The following CDKAL1 variants were observed in gnomAD, a reference collection of about 807,000 sequenced individuals.
The protein encoded by CDKAL1 is CDKAL1 threonylcarbamoyladenosine tRNA methylthiotransferase, also known as threonylcarbamoyladenosine tRNA methylthiotransferase.
In CDKAL1, 32 loss-of-function variants were observed where a neutral mutation model predicts 68.2. That is an observed-to-expected ratio of 0.47 (90% CI 0.35 to 0.63). The LOEUF is 0.63. Ranked by LOEUF, CDKAL1 falls within the 30% of genes least tolerant of loss-of-function variation. The probability of loss-of-function intolerance (pLI) is 0.00; values close to 1 mark genes in which losing one functional copy is unlikely to be tolerated. For missense variants in CDKAL1, 606 were observed against 696.7 expected (o/e 0.87, Z 1.47); for synonymous variants, 234 against 244.3 (o/e 0.96, Z 0.39).
chr6:20,571,430 G>C (rs1764697380), intron 4 of CDKAL1, among the ~76,000 whole-genome samples: 1 of 151,964 alleles, frequency 6.6e-6, no homozygotes, highest in South Asian at 2.1e-4. Flanking sequence ...CTGCTGACCT[G>C]TCCTTCTCCC....
chr6:21,047,752 C>T (rs1770323663), intron 11 of CDKAL1, among the ~76,000 whole-genome samples: 1 of 151,972 alleles, frequency 6.6e-6, no homozygotes, highest in Non-Finnish European at 1.5e-5. Context: ...CATAGAGGTA[C>T]AAAGGAGGGA....
chr6:21,013,653 T>C (rs1768143045), intron 11 of CDKAL1, among the ~76,000 whole-genome samples: 1 of 152,224 alleles, frequency 6.6e-6, no homozygotes, highest in Admixed American at 6.5e-5. Context: ...TTAACATTTG[T>C]ACTGTCTTCC....
intron 8 of CDKAL1, among the ~76,000 whole-genome samples, chr6:20,785,532 C>A (rs1182089185): frequency 6.6e-6 from 1 of 151,928 alleles, no homozygotes; most frequent in Non-Finnish European, 1.5e-5. Flanking sequence ...AGGCTGGTCT[C>A]GAACTCCTGA....
intron 10 of CDKAL1, among the ~76,000 whole-genome samples, chr6:20,959,251 A>G (rs572726554): frequency 2.6e-5 from 4 of 152,306 alleles, no homozygotes; most frequent in African/African-American, 7.2e-5. Flanking sequence ...AAAACAATAT[A>G]GGATTCATTT....
chr6:20,827,450 A>G (rs577248961), intron 8 of CDKAL1, among the ~76,000 whole-genome samples: 2 of 152,292 alleles, frequency 1.3e-5, no homozygotes, highest in African/African-American at 2.4e-5. Flanking sequence ...TAGCAAAGAA[A>G]CCTTTACTTA....
At chr6:20,612,006 G>T (rs1488205937) in intron 4 of CDKAL1, among the ~76,000 whole-genome samples, 1 of 152,142 alleles carries the variant, frequency 6.6e-6, no homozygotes, top group Non-Finnish European at 1.5e-5. Context: ...TGCAAAATTT[G>T]TCTTTCTTTG....
chr6:21,167,938 G>T (rs1023703493), intron 13 of CDKAL1, among the ~76,000 whole-genome samples: 2 of 152,186 alleles, frequency 1.3e-5, no homozygotes, highest in Non-Finnish European at 1.5e-5. Flanking sequence ...CTGATAAGTA[G>T]ACGTGCACAC....
chr6:21,020,990 C>G (rs1385610429), intron 11 of CDKAL1, among the ~76,000 whole-genome samples: 1 of 151,988 alleles, frequency 6.6e-6, no homozygotes, highest in Non-Finnish European at 1.5e-5. Context: ...ATGAACCCAG[C>G]CACTTAGTTA....
chr6:21,066,389 G>A (rs1032464625), intron 12 of CDKAL1, among the ~76,000 whole-genome samples: 5 of 151,888 alleles, frequency 3.3e-5, no homozygotes, highest in Admixed American at 6.6e-5. Context: ...ACCACAAATC[G>A]TTAACTTCCC....
chr6:20,687,319 G>A (rs191086920), intron 5 of CDKAL1, among the ~76,000 whole-genome samples: 1 of 152,158 alleles, frequency 6.6e-6, no homozygotes, highest in Admixed American at 6.5e-5. Flanking sequence ...TTCTGTTTTA[G>A]AATGTTGCTA....
intron 12 of CDKAL1, among the ~76,000 whole-genome samples, chr6:21,096,793 G>C (rs1048827946): frequency 6.6e-6 from 1 of 152,138 alleles, no homozygotes; most frequent in East Asian, 1.9e-4. Context: ...AATAAAAACA[G>C]TGTAGTACAT....
In CDKAL1 at chr6:20,701,722, T is replaced by C. The variant is rs113077185; in HGVS notation, c.372-37797T>C. 3.6e-3 allele frequency among the ~76,000 whole-genome samples: 554 copies of C among 152,284 alleles called. 4 individuals are homozygous for C. Among genetic ancestry groups the C allele is most frequent in the African/African-American group, 0.012 (502 of 41,550 alleles). On this transcript the variant is annotated intron_variant, in intron 5 of 15. Transcript: ENST00000274695. ...ATACCTACCAGAACTTTGAGTTATG[T>C]TCCCCCAGCCACCCTTAGTAAATAT...
chr6:21,012,084 C>T (rs1157918857), intron 11 of CDKAL1, among the ~76,000 whole-genome samples: 4 of 152,180 alleles, frequency 2.6e-5, no homozygotes, highest in Non-Finnish European at 4.4e-5. Context: ...CCAGCCATCA[C>T]ATCTGCATTC....
At chr6:21,206,278 A>G (rs1163609072) in intron 15 of CDKAL1, among the ~76,000 whole-genome samples, 1 of 152,188 alleles carries the variant, frequency 6.6e-6, no homozygotes, top group Non-Finnish European at 1.5e-5. Flanking sequence ...AGTAAGAGAG[A>G]GAGGGAAAAA....
At chr6:20,845,345 T>A (rs971016789) in intron 8 of CDKAL1, among the ~76,000 whole-genome samples, 10 of 152,136 alleles carry the variant, frequency 6.6e-5, no homozygotes, top group Non-Finnish European at 1.5e-4. Context: ...TAAATTTGTT[T>A]AAGGTATATT....
Position 20,726,366 on chromosome 6 carries a change from C to G in CDKAL1, c.372-13153C>G, listed in dbSNP as rs560324564. ...CCAGTATATACCTCACATGTACTGACTGATGCCTTTTGTTTCCCTAAAACA... is the reference window on the plus strand; with the variant it reads ...CCAGTATATACCTCACATGTACTGAGTGATGCCTTTTGTTTCCCTAAAACA... On this transcript the variant is annotated intron_variant, in intron 5 of 15. Transcript: ENST00000274695. 2.6e-5 allele frequency among the ~76,000 whole-genome samples: 4 copies of G among 152,300 alleles called. No individual in the cohort carries two copies. The South Asian group carries it at 8.3e-4, about 32-fold the overall frequency.
rs199724603 is a variant in CDKAL1, at chr6:20,563,666, TC to T, written c.286+14962del. Among the ~76,000 whole-genome samples the T allele has an allele frequency of 4.4e-3, 658 of 148,882 alleles. 4 individuals are homozygous for T. The highest frequency in any genetic ancestry group is 0.011 in the African/African-American group (453 of 40,880). ...CTAGCCAACGAGGGCTTTTTTTTTT[TC>T]TCATTAACATAGAGATATGAAGAAT... On this transcript the variant is annotated intron_variant, in intron 4 of 15. Transcript: ENST00000274695.
intron 4 of CDKAL1, among the ~76,000 whole-genome samples, chr6:20,597,295 A>AT (rs1367305452): frequency 6.6e-6 from 1 of 150,570 alleles, no homozygotes; most frequent in South Asian, 2.1e-4. Context: ...CGCCTTGCTA[A>AT]TTTTTTGTAT....
At position 21,231,015 on chromosome 6, in the gene CDKAL1, T is replaced by A. The variant is rs778552111; in HGVS notation, c.1716T>A (p.Ala572=). 2 of 1,605,160 alleles carry A rather than the reference T, an allele frequency of 1.2e-6. No homozygotes were observed. The highest frequency in any genetic ancestry group is 1.7e-6 in the Non-Finnish European group (2 of 1,174,080). The change falls in exon 16 of 16, where the codon GCT becomes GCA. Residue 572 remains alanine (A), a synonymous_variant. Coordinates refer to ENST00000274695, the MANE Select transcript of CDKAL1 (RefSeq NM_017774.3). ...VGLALLGLLF[A]FFVKVYN ...TGGCTCTGCTGGGTCTTCTTTTTGC[T>A]TTTTTTGTCAAGGTCTATAATTAGA...
Sources: allele counts gnomAD v4.1 joint callset (sites outside exome capture counted in the v4.1 genomes callset), GRCh38; gene constraint gnomAD v4.1.1; transcripts MANE v1.5; gene names NCBI Gene and HGNC (gene_info 2026-07-23, HGNC 2026-07-21).